SEPTIN2: variants seen among roughly 807,000 people sequenced by gnomAD.
SEPTIN2 encodes septin-2.
SEPTIN2 carries 34 observed loss-of-function variants against 46.5 expected under a neutral mutation model. That is an observed-to-expected ratio of 0.73 (90% confidence interval 0.56 to 0.97). The LOEUF (loss-of-function observed/expected upper bound fraction) is 0.97. Among genes scored for constraint, SEPTIN2 ranks in the 50% least tolerant of loss-of-function variants. The pLI, the probability that SEPTIN2 is intolerant of heterozygous loss-of-function variation, is 0.00. For synonymous variants in SEPTIN2, 175 were observed against 153.4 expected, an observed-to-expected ratio of 1.14 and a Z score of -1.04; for missense variants, 347 against 448.4, an observed-to-expected ratio of 0.77 and a Z score of 2.04.
At chr2:241,342,102 G>A (rs1449511894) in intron 7 of SEPTIN2, among the ~76,000 whole-genome samples, 1 of 152,144 alleles carries the variant, frequency 6.6e-6, no homozygotes, top group East Asian at 1.9e-4. Flanking sequence ...GCCTGGTGTT[G>A]ATGGAACTCT....
At chr2:241,335,496 G>A (rs1370011673) in intron 4 of SEPTIN2, 1 of 764,852 alleles carries the variant, frequency 1.3e-6, no homozygotes, top group East Asian at 2.7e-5. Context: ...AGGATTAAGT[G>A]AGAATGTTTT....
intron 1 of SEPTIN2, among the ~76,000 whole-genome samples, chr2:241,323,253 C>G (rs895260064): frequency 6.6e-6 from 1 of 151,814 alleles, no homozygotes; most frequent in African/African-American, 2.4e-5. Flanking sequence ...TCACTGCAAC[C>G]TCCGCCTCCC....
At chr2:241,316,244 C>T (rs1362229312) in intron 1 of SEPTIN2, 2 of 364,810 alleles carry the variant, frequency 5.5e-6, no homozygotes, top group Non-Finnish European at 9.9e-6. Flanking sequence ...TCCGGTGACC[C>T]CTTGTTGACC....
At chr2:241,335,593 G>A (rs2079821366) in intron 4 of SEPTIN2, 2 of 592,088 alleles carry the variant, frequency 3.4e-6, no homozygotes, top group Admixed American at 3.0e-5. Flanking sequence ...CAGGACACCA[G>A]CATCCACAAA....
chr2:241,337,093 C>CAAA, intron 5 of SEPTIN2: 1 of 244,252 alleles, frequency 4.1e-6, no homozygotes, highest in Non-Finnish European at 7.7e-6. Flanking sequence ...GACTCAGTCT[C>CAAA]AAAAAAAAAA....
intron 1 of SEPTIN2, among the ~76,000 whole-genome samples, chr2:241,321,509 T>G (rs2077116719): frequency 6.6e-6 from 1 of 152,210 alleles, no homozygotes; most frequent in Admixed American, 6.5e-5. Flanking sequence ...CCCTTTATTT[T>G]CAGCCTCTCT....
Position 241,343,532 on chromosome 2 carries a change from A to T in SEPTIN2, c.697-220A>T, listed in dbSNP as rs888174235. Among the ~76,000 whole-genome samples, 3 of 152,160 alleles carry T rather than the reference A, an allele frequency of 2.0e-5. No individual in the cohort carries two copies. The East Asian group carries it at 5.8e-4, about 29-fold the overall frequency. ...AAAAATTTGATACAGCTATCACCTA[A>T]AGCTTAGAAATTTTATTGTAGGTTT... On this transcript the variant is annotated intron_variant, in intron 8 of 12. Transcript: ENST00000391971.
intron 9 of SEPTIN2, among the ~76,000 whole-genome samples, chr2:241,345,201 A>T (rs1483266825): frequency 6.6e-6 from 1 of 152,168 alleles, no homozygotes. Context: ...ACTGATGTGG[A>T]TAAATCAGTG....
At chr2:241,323,296 G>C (rs1275921839) in intron 1 of SEPTIN2, among the ~76,000 whole-genome samples, 4 of 151,980 alleles carry the variant, frequency 2.6e-5, no homozygotes, top group African/African-American at 9.7e-5. Flanking sequence ...TCAGCCTTCT[G>C]AGTAGCTGGG....
At chr2:241,322,732 T>C (rs928918033) in intron 1 of SEPTIN2, among the ~76,000 whole-genome samples, 7 of 152,256 alleles carry the variant, frequency 4.6e-5, no homozygotes, top group Admixed American at 3.3e-4. Flanking sequence ...CATTGCTCTC[T>C]GTACCCCAGT....
intron 7 of SEPTIN2, 43 bp downstream of exon 7, chr2:241,337,833 G>C: frequency 7.5e-7 from 1 of 1,341,056 alleles, no homozygotes; most frequent in Non-Finnish European, 1.1e-6. Context: ...GGTGCGACTC[G>C]GGGGCATGGG....
intron 3 of SEPTIN2, among the ~76,000 whole-genome samples, chr2:241,334,745 G>T (rs2150034072): frequency 6.6e-6 from 1 of 152,324 alleles, no homozygotes; most frequent in African/African-American, 2.4e-5. Context: ...AAAATGTGGT[G>T]AGTTTAGTGA....
At chr2:241,323,955 AG>A (rs1257364587) in intron 1 of SEPTIN2, among the ~76,000 whole-genome samples, 1 of 152,222 alleles carries the variant, frequency 6.6e-6, no homozygotes, top group Non-Finnish European at 1.5e-5. Flanking sequence ...AATAAAGAAT[AG>A]GGGGTCTGGT....
chr2:241,329,491 A>G (rs1483169696), intron 3 of SEPTIN2, among the ~76,000 whole-genome samples: 4 of 152,228 alleles, frequency 2.6e-5, no homozygotes, highest in Admixed American at 6.5e-5. Context: ...ATCCTATTAC[A>G]AATGACAAGA....
chr2:241,338,954 T>A (rs1245813011), intron 7 of SEPTIN2, among the ~76,000 whole-genome samples: 11 of 99,646 alleles, frequency 1.1e-4, no homozygotes, highest in Non-Finnish European at 1.5e-4. Context: ...ATTATATATA[T>A]AATATATATT....
At chr2:241,335,435 T>A in intron 4 of SEPTIN2, 1 of 1,269,954 alleles carries the variant, frequency 7.9e-7, no homozygotes. Flanking sequence ...CTCTTGAGTT[T>A]GTCTGTAAAA....
chr2:241,343,635 C>A, intron 8 of SEPTIN2, 117 bp from the exon 9 acceptor site: 1 of 1,137,774 alleles, frequency 8.8e-7, no homozygotes, highest in Non-Finnish European at 1.3e-6. Context: ...CCCCAGCTTT[C>A]CAATTCAGTT....
At chr2:241,342,938 T>C in intron 7 of SEPTIN2, 54 bp from the exon 8 acceptor site, 2 of 890,100 alleles carry the variant, frequency 2.2e-6, no homozygotes, top group Non-Finnish European at 3.7e-6. Flanking sequence ...TAGAATTGGC[T>C]ACAATAACAT....
chr2:241,353,705 A>G lies in SEPTIN2; in HGVS notation c.*1768A>G, dbSNP rs2060937420. 1 of 153,012 alleles carries G rather than the reference A, an allele frequency of 6.5e-6. No individual in the cohort carries two copies. The highest frequency in any genetic ancestry group is 2.4e-5 in the African/African-American group (1 of 41,462). The allele number at this position is 153,012 out of a possible 1,614,324, so 9.5% of individuals were successfully genotyped here. A position where few individuals can be genotyped will look rare whatever the true frequency, so the allele number is the denominator to read the frequency against. On this transcript the variant is annotated 3_prime_UTR_variant, in exon 13 of 13. Transcript: ENST00000391971. ...CCATTATTTGAGTTTGACATTTAATAACTTTGCTGGAAAATCTGTAAAAAA... is the reference window on the plus strand; with the variant it reads ...CCATTATTTGAGTTTGACATTTAATGACTTTGCTGGAAAATCTGTAAAAAA...
Sources: gnomAD v4.1 joint callset for allele counts (sites outside exome capture counted in the v4.1 genomes callset) on GRCh38, gnomAD v4.1.1 for gene constraint, MANE v1.5 for transcripts, NCBI Gene and HGNC (gene_info 2026-07-23, HGNC 2026-07-21) for gene names.